Variants in PNPLA1 observed in about 807,000 individuals in gnomAD.
PNPLA1 encodes the protein patatin like domain 1, omega-hydroxyceramide transacylase, also known as omega-hydroxyceramide transacylase.
A neutral mutation model predicts 51.7 loss-of-function variants in PNPLA1; 36 were observed. The observed-to-expected ratio is 0.70, with a 90% CI of 0.53 to 0.92. The LOEUF (loss-of-function observed/expected upper bound fraction) is 0.92. Ranked by LOEUF, PNPLA1 falls within the 40% of genes least tolerant of loss-of-function variation. The pLI is 0.00. For missense variants in PNPLA1, 658 were observed against 682.5 expected (o/e 0.96, Z 0.40); for synonymous variants, 293 against 280.1 (o/e 1.05, Z -0.46).
chr6:36,263,016 C>T (rs551214687), intron 1 of PNPLA1, among the ~76,000 whole-genome samples: 1 of 152,284 alleles, frequency 6.6e-6, no homozygotes, highest in Non-Finnish European at 1.5e-5. Flanking sequence ...AAATTGCCCA[C>T]CAAAATGCAG....
At chr6:36,260,532 A>T (rs980190655) in intron 1 of PNPLA1, among the ~76,000 whole-genome samples, 1 of 152,194 alleles carries the variant, frequency 6.6e-6, no homozygotes, top group African/African-American at 2.4e-5. Flanking sequence ...ATTGTCAGGG[A>T]CAGGTTTCCC....
chr6:36,270,133 G>A lies in PNPLA1; in HGVS notation c.-327G>A, dbSNP rs368711784. On this transcript the variant is annotated 5_prime_UTR_variant, in exon 1 of 9. In the 5' UTR this introduces an upstream ATG that the reference lacks. Coordinates refer to ENST00000636260, the MANE Select transcript of PNPLA1 (RefSeq NM_001374623.1). The stretch of plus-strand genomic sequence containing the variant: ...GGATGGGCAGAGGGCTGAGGATCCC[G>A]TGCCCGAGATGAATCTAGCCAAGAA... 5.9e-5 allele frequency among the ~76,000 whole-genome samples: 9 copies of A among 152,246 alleles called. No homozygotes were observed. Among genetic ancestry groups the A allele is most frequent in the East Asian group, 1.9e-4 (1 of 5,198 alleles).
At chr6:36,307,532 T>A in intron 7 of PNPLA1, 55 bp from the exon 8 acceptor site, 1 of 1,592,332 alleles carries the variant, frequency 6.3e-7, no homozygotes. Flanking sequence ...GGCCACCATG[T>A]TGGAGGACCG....
intron 1 of PNPLA1, among the ~76,000 whole-genome samples, chr6:36,252,744 TGGATAGAAGAGAC>T: frequency 6.6e-6 from 1 of 152,112 alleles, no homozygotes; most frequent in East Asian, 1.9e-4. Flanking sequence ...CAGATCTGAG[TGGATAGAAGAGAC>T]GGTAATGTCT....
intron 1 of PNPLA1, among the ~76,000 whole-genome samples, chr6:36,280,064 G>A (rs187704138): frequency 1.1e-3 from 172 of 152,276 alleles, no homozygotes; most frequent in Non-Finnish European, 7.1e-4. Flanking sequence ...AAATTAGCTG[G>A]GCGTGGTGGT....
chr6:36,306,241 C>A, intron 6 of PNPLA1, 51 bp from the exon 7 acceptor site: 1 of 1,386,428 alleles, frequency 7.2e-7, no homozygotes, highest in Non-Finnish European at 1.0e-6. Flanking sequence ...AAAAATGACT[C>A]CATATCCCCC....
intron 1 of PNPLA1, among the ~76,000 whole-genome samples, chr6:36,276,942 T>C (rs950204075): frequency 2.0e-5 from 3 of 152,186 alleles, no homozygotes; most frequent in Non-Finnish European, 2.9e-5. Flanking sequence ...AAGTTCCTAT[T>C]GAATGTTAGA....
intron 5 of PNPLA1, among the ~76,000 whole-genome samples, chr6:36,300,658 A>G (rs2127350936): frequency 6.6e-6 from 1 of 152,296 alleles, no homozygotes; most frequent in Middle Eastern, 3.4e-3. Context: ...CGTGCTGCCA[A>G]CATGACGTAT....
chr6:36,277,858 T>C (rs1770154931), intron 1 of PNPLA1, among the ~76,000 whole-genome samples: 1 of 145,014 alleles, frequency 6.9e-6, no homozygotes, highest in South Asian at 2.2e-4. Flanking sequence ...ACAGAGACCA[T>C]GTCTCTAAAA....
intron 1 of PNPLA1, among the ~76,000 whole-genome samples, chr6:36,271,530 G>A (rs1769916135): frequency 6.6e-6 from 1 of 152,230 alleles, no homozygotes; most frequent in Non-Finnish European, 1.5e-5. Flanking sequence ...GTGAGGTCGG[G>A]AAGTGATATG....
intron 5 of PNPLA1, among the ~76,000 whole-genome samples, chr6:36,296,445 T>C (rs571711789): frequency 6.6e-6 from 1 of 152,318 alleles, no homozygotes; most frequent in African/African-American, 2.4e-5. Flanking sequence ...TATTCCATCA[T>C]AGCTGTGCAG....
intron 1 of PNPLA1, among the ~76,000 whole-genome samples, chr6:36,246,931 G>A (rs1247701280): frequency 6.6e-6 from 1 of 152,044 alleles, no homozygotes; most frequent in East Asian, 1.9e-4. Context: ...CTCAGGACCA[G>A]CCTCCCCGCG....
At chr6:36,291,630 C>G (rs1377810929) in intron 2 of PNPLA1, 78 bp downstream of exon 2, 2 of 1,231,422 alleles carry the variant, frequency 1.6e-6, no homozygotes, top group Non-Finnish European at 2.3e-6. Flanking sequence ...CACAGCTCAA[C>G]CCGATGCCTT....
intron 1 of PNPLA1, among the ~76,000 whole-genome samples, chr6:36,246,771 GTCT>G (rs1193771437): frequency 6.6e-6 from 1 of 152,188 alleles, no homozygotes; most frequent in African/African-American, 2.4e-5. Flanking sequence ...GTGTTTCTCA[GTCT>G]TCTAATGCTC....
At chr6:36,311,373 A>G (rs2127358153) in intron 8 of PNPLA1, among the ~76,000 whole-genome samples, 1 of 152,318 alleles carries the variant, frequency 6.6e-6, no homozygotes, top group African/African-American at 2.4e-5. Flanking sequence ...TAGTCTATGC[A>G]AGCAGTTAAC....
chr6:36,282,578 T>C (rs1456739813), intron 1 of PNPLA1, among the ~76,000 whole-genome samples: 3 of 152,238 alleles, frequency 2.0e-5, no homozygotes, highest in East Asian at 1.9e-4. Context: ...AGGTGACATA[T>C]GTTAATCCAT....
intron 1 of PNPLA1, among the ~76,000 whole-genome samples, chr6:36,279,930 G>A (rs1235104536): frequency 1.3e-5 from 2 of 152,218 alleles, no homozygotes; most frequent in Non-Finnish European, 2.9e-5. Context: ...CAAACAGGCT[G>A]GGCGTGGTGG....
chr6:36,291,319 G>C lies in PNPLA1; in HGVS notation c.206-1G>C. 1 of 1,613,560 alleles carries C rather than the reference G, an allele frequency of 6.2e-7. No homozygotes were observed. The highest frequency in any genetic ancestry group is 8.5e-7 in the Non-Finnish European group (1 of 1,179,640). On this transcript the variant is annotated splice_acceptor_variant, in intron 1 of 8. Coordinates refer to ENST00000636260, the MANE Select transcript of PNPLA1 (RefSeq NM_001374623.1). LOFTEE classifies it high-confidence loss of function. ...CCCCCTCTTCTCTGCTTCCTTTGCA[G>C]ATGAGTATCTCAGAGTCCTCAACGT... is the stretch of plus-strand genomic sequence containing the variant.
In PNPLA1 at chr6:36,270,402, G is replaced by C. The variant is rs776679578; in HGVS notation, c.-58G>C. 42 of 1,530,154 alleles carry C rather than the reference G, an allele frequency of 2.7e-5. No homozygotes were observed. The highest frequency in any genetic ancestry group is 3.4e-5 in the Non-Finnish European group (38 of 1,130,002). The allele number at this position is 1,530,154 out of a possible 1,614,324, so 94.8% of individuals were successfully genotyped here. On this transcript the variant is annotated 5_prime_UTR_variant, in exon 1 of 9. Transcript: ENST00000636260. ...CTACAGGGAGCGGCAGCCCAGGCTCGGGCAGGCAAGTGCTGAAGGGTGGCT... is the reference window on the plus strand; with the variant it reads ...CTACAGGGAGCGGCAGCCCAGGCTCCGGCAGGCAAGTGCTGAAGGGTGGCT...
Sources: gnomAD v4.1 joint callset for allele counts (sites outside exome capture counted in the v4.1 genomes callset) on GRCh38, gnomAD v4.1.1 for gene constraint, MANE v1.5 for transcripts, NCBI Gene and HGNC (gene_info 2026-07-23, HGNC 2026-07-21) for gene names.